The following ASIC2 variants were observed in gnomAD, a reference collection of about 807,000 sequenced individuals.
The protein encoded by ASIC2 is acid-sensing ion channel 2.
Under a neutral mutation model 57.3 loss-of-function variants are expected in ASIC2, and 25 were observed. The observed-to-expected ratio is 0.44, with a 90% confidence interval of 0.32 to 0.61. The LOEUF is 0.61. ASIC2 is among the 20% of genes least tolerant of loss of function. The pLI, the probability that ASIC2 is intolerant of heterozygous loss-of-function variation, is 0.06. For synonymous variants in ASIC2, 319 were observed against 307.5 expected (o/e 1.04, Z -0.39); for missense variants, 641 against 738.1 (o/e 0.87, Z 1.52).
intron 1 of ASIC2, among the ~76,000 whole-genome samples, chr17:33,662,757 C>T (rs1479382816): frequency 1.5e-5 from 2 of 132,840 alleles, no homozygotes; most frequent in Non-Finnish European, 3.2e-5. Flanking sequence ...TTCCTTCCTT[C>T]CTTCTTTCTT....
chr17:33,037,389 CT>C (rs35286664), intron 3 of ASIC2, among the ~76,000 whole-genome samples: 116 of 123,812 alleles, frequency 9.4e-4, no homozygotes, highest in East Asian at 2.1e-3. Context: ...ACTTCCCCCT[CT>C]TTTTTTTTTT....
At chr17:33,578,583 G>C (rs548895396) in intron 1 of ASIC2, among the ~76,000 whole-genome samples, 1 of 152,230 alleles carries the variant, frequency 6.6e-6, no homozygotes, top group Admixed American at 6.5e-5. Flanking sequence ...CCTTAGGGAA[G>C]CCTTTGCCTA....
At chr17:33,370,807 T>A (rs964036781) in intron 1 of ASIC2, among the ~76,000 whole-genome samples, 2 of 152,256 alleles carry the variant, frequency 1.3e-5, no homozygotes, top group Admixed American at 1.3e-4. Context: ...GCTCTGAGCA[T>A]GTACACGTGT....
intron 3 of ASIC2, among the ~76,000 whole-genome samples, chr17:33,038,256 C>T (rs776395624): frequency 6.6e-6 from 1 of 152,194 alleles, no homozygotes; most frequent in Non-Finnish European, 1.5e-5. Context: ...TCTATCCTTT[C>T]ATTTATTCAA....
At chr17:33,761,390 G>C (rs1015665560) in intron 1 of ASIC2, among the ~76,000 whole-genome samples, 8 of 152,110 alleles carry the variant, frequency 5.3e-5, no homozygotes, top group Non-Finnish European at 8.8e-5. Context: ...AGGGAATCCG[G>C]GGGCCCTCAA....
chr17:33,258,122 T>C lies in ASIC2; in HGVS notation c.708+33286A>G, dbSNP rs560567224. On this transcript the variant is annotated intron_variant, in intron 1 of 9. Coordinates refer to ENST00000225823, the MANE Select transcript of ASIC2 (RefSeq NM_183377.2). ...CCCAACTGTAATCAGGTAGGTGTCA[T>C]TCACGTGCATTCATTAATTCATGGG... 3.9e-5 allele frequency among the ~76,000 whole-genome samples: 6 copies of C among 152,342 alleles called. No homozygotes were observed. The South Asian group carries it at 1.2e-3, about 32-fold the overall frequency.
At chr17:33,128,393 A>G (rs1170645740) in intron 1 of ASIC2, among the ~76,000 whole-genome samples, 1 of 152,216 alleles carries the variant, frequency 6.6e-6, no homozygotes, top group African/African-American at 2.4e-5. Context: ...ACACTAGACT[A>G]TAAGCTCTAG....
At chr17:33,548,613 A>T (rs1456349282) in intron 1 of ASIC2, among the ~76,000 whole-genome samples, 1 of 152,182 alleles carries the variant, frequency 6.6e-6, no homozygotes, top group Non-Finnish European at 1.5e-5. Context: ...TCCATTCACC[A>T]TGGGTAATTA....
intron 1 of ASIC2, among the ~76,000 whole-genome samples, chr17:33,715,197 T>C (rs936094188): frequency 2.6e-5 from 4 of 152,032 alleles, no homozygotes; most frequent in Admixed American, 6.5e-5. Context: ...AGACAGGGTC[T>C]CACTGCGTTG....
At chr17:33,463,645 A>G (rs945521335) in intron 1 of ASIC2, among the ~76,000 whole-genome samples, 1 of 151,800 alleles carries the variant, frequency 6.6e-6, no homozygotes, top group African/African-American at 2.4e-5. Flanking sequence ...AAAGGAAACA[A>G]CTGCGGGAGT....
At chr17:34,077,829 C>T (rs1227671829) in intron 1 of ASIC2, among the ~76,000 whole-genome samples, 3 of 152,118 alleles carry the variant, frequency 2.0e-5, no homozygotes, top group African/African-American at 7.2e-5. Flanking sequence ...AAGCATGCAT[C>T]TTATCAGGCC....
chr17:33,760,794 C>T (rs1482494243), intron 1 of ASIC2, among the ~76,000 whole-genome samples: 1 of 152,054 alleles, frequency 6.6e-6, no homozygotes, highest in Non-Finnish European at 1.5e-5. Flanking sequence ...AATATTTAGA[C>T]TTATGGTCTA....
At chr17:34,079,398 T>C (rs1000045110) in intron 1 of ASIC2, among the ~76,000 whole-genome samples, 1 of 152,210 alleles carries the variant, frequency 6.6e-6, no homozygotes, top group Non-Finnish European at 1.5e-5. Context: ...CTCCCTCCCC[T>C]TCAGACTCCT....
At chr17:33,873,966 G>T (rs911953859) in intron 1 of ASIC2, among the ~76,000 whole-genome samples, 1 of 152,336 alleles carries the variant, frequency 6.6e-6, no homozygotes, top group Middle Eastern at 3.4e-3. Flanking sequence ...CCTGGAACCA[G>T]TTCTTTCAGG....
chr17:33,432,299 T>C (rs1183930289), intron 1 of ASIC2, among the ~76,000 whole-genome samples: 2 of 152,210 alleles, frequency 1.3e-5, no homozygotes, highest in African/African-American at 2.4e-5. Context: ...GAGGATTGCT[T>C]GGGCTCAGGA....
At chr17:34,084,094 G>A (rs2142081520) in intron 1 of ASIC2, among the ~76,000 whole-genome samples, 1 of 151,880 alleles carries the variant, frequency 6.6e-6, no homozygotes, top group South Asian at 2.1e-4. Flanking sequence ...TGAAGTCCTT[G>A]CCCATGCCTA....
chr17:33,861,390 A>T (rs1246151632), intron 1 of ASIC2, among the ~76,000 whole-genome samples: 4 of 152,202 alleles, frequency 2.6e-5, no homozygotes, highest in Admixed American at 2.6e-4. Flanking sequence ...CTTTCAGAGC[A>T]GTTTCAAATA....
chr17:33,304,679 G>C (rs1597674507), intron 1 of ASIC2, among the ~76,000 whole-genome samples: 1 of 152,284 alleles, frequency 6.6e-6, no homozygotes, highest in Admixed American at 6.5e-5. Flanking sequence ...CCCCGCCTTA[G>C]TCTCAATCCA....
intron 1 of ASIC2, among the ~76,000 whole-genome samples, chr17:33,158,568 G>C (rs913927586): frequency 1.3e-5 from 2 of 152,352 alleles, no homozygotes; most frequent in Non-Finnish European, 1.5e-5. Flanking sequence ...GTCCTTTTAG[G>C]AGAGTGATTG....
Sources: gnomAD v4.1 joint callset for allele counts (sites outside exome capture counted in the v4.1 genomes callset) on GRCh38, gnomAD v4.1.1 for gene constraint, MANE v1.5 for transcripts, NCBI Gene and HGNC (gene_info 2026-07-23, HGNC 2026-07-21) for gene names.